Variants in STARD13 observed in about 807,000 individuals in gnomAD.
STARD13 encodes StAR related lipid transfer domain containing 13.
In STARD13, 62 loss-of-function variants were observed where a neutral mutation model predicts 106.4. The ratio of observed to expected loss-of-function variants is 0.58; its 90% CI spans 0.48 to 0.72. The LOEUF (loss-of-function observed/expected upper bound fraction) is 0.72. Among genes scored for constraint, STARD13 ranks in the 30% least tolerant of loss-of-function variants. The pLI, the probability that STARD13 is intolerant of heterozygous loss-of-function variation, is 0.00. For missense variants in STARD13, 1,387 were observed against 1,424.0 expected (o/e 0.97, Z 0.42); for synonymous variants, 565 against 553.0 (o/e 1.02, Z -0.31).
At chr13:33,573,220 T>C in the STARD13 span, among the ~76,000 whole-genome samples, 1 of 152,136 alleles carries the variant, frequency 6.6e-6, no homozygotes, top group Non-Finnish European at 1.5e-5. Context: ...TCATACACTA[T>C]AAACATTAAA....
At chr13:33,350,343 G>A in exon 1 of STARD13, 2 of 1,534,364 alleles carry the variant, frequency 1.3e-6, no homozygotes, top group Non-Finnish European at 8.7e-7. Flanking sequence ...GGCTCTGGCC[G>A]TGGAGTCCCG....
At chr13:33,547,738 T>C in the STARD13 span, among the ~76,000 whole-genome samples, 1 of 152,214 alleles carries the variant, frequency 6.6e-6, no homozygotes, top group Non-Finnish European at 1.5e-5. Context: ...CACTGGCATT[T>C]TCTTCTTCAA....
chr13:33,497,442 T>C, the STARD13 span, among the ~76,000 whole-genome samples: 1 of 152,134 alleles, frequency 6.6e-6, no homozygotes, highest in Admixed American at 6.6e-5. Context: ...TCTATTTTGA[T>C]AAAGAAGTGA....
the STARD13 span, among the ~76,000 whole-genome samples, chr13:33,356,632 A>C: frequency 2.0e-4 from 31 of 152,370 alleles, no homozygotes; most frequent in African/African-American, 7.2e-4. Flanking sequence ...GATTTTTGGC[A>C]AGGATCAAAT....
chr13:33,665,348 C>T, the STARD13 span, among the ~76,000 whole-genome samples: 1 of 152,092 alleles, frequency 6.6e-6, no homozygotes, highest in Non-Finnish European at 1.5e-5. Flanking sequence ...AAACTTTTGA[C>T]CAGATGCAAC....
chr13:33,428,189 A>C, the STARD13 span, among the ~76,000 whole-genome samples: 1 of 152,226 alleles, frequency 6.6e-6, no homozygotes, highest in African/African-American at 2.4e-5. Context: ...ATATGGATTA[A>C]AGACTTAAAT....
At chr13:33,423,187 C>G in the STARD13 span, among the ~76,000 whole-genome samples, 1 of 152,160 alleles carries the variant, frequency 6.6e-6, no homozygotes, top group Non-Finnish European at 1.5e-5. Context: ...GTTTTGCAAT[C>G]TATCCATCTG....
intron 1 of STARD13, among the ~76,000 whole-genome samples, chr13:33,214,877 C>T (rs553491410): frequency 6.6e-6 from 1 of 152,254 alleles, no homozygotes; most frequent in Admixed American, 6.5e-5. Context: ...GATTCAGATG[C>T]TACTGATCTC....
In STARD13 at chr13:33,110,025, C is replaced by T; in HGVS notation, c.2895G>A (p.Val965=). ...GCTCTCTCAGCACGCGGTTCAGGACCACTGAGGGGGGTGCTTCCACCTCCA... is the reference window on the plus strand; with the variant it reads ...GCTCTCTCAGCACGCGGTTCAGGACTACTGAGGGGGGTGCTTCCACCTCCA... The part of the protein sequence containing the change: ...ASVEVEAPPS[V]VLNRVLRERH... Residue 965 remains valine, a synonymous_variant, in exon 12 of 14, where the codon GTG becomes GTA. Coordinates refer to ENST00000336934, the MANE Select transcript of STARD13 (RefSeq NM_178006.4). The T allele has an allele frequency of 6.2e-7, 1 of 1,614,226 alleles. No individual in the cohort carries two copies. Among genetic ancestry groups the T allele is most frequent in the South Asian group, 1.1e-5 (1 of 91,078 alleles).
At chr13:33,390,834 T>C in the STARD13 span, among the ~76,000 whole-genome samples, 3 of 152,294 alleles carry the variant, frequency 2.0e-5, no homozygotes, top group South Asian at 2.1e-4. Context: ...AGAACTACTC[T>C]AGATGCATCG....
rs552315904 is a variant in STARD13 at position 33,242,036 on chromosome 13, G to A, written c.169+43434C>T. ...GTGTGGGGAGCCCCTCTGCCCCGCC[G>A]CCCCATCTGGGATGTAGGGAGCGCC... On this transcript the variant is annotated intron_variant, in intron 1 of 13. Coordinates refer to ENST00000336934, the MANE Select transcript of STARD13 (RefSeq NM_178006.4). Among the ~76,000 whole-genome samples the A allele has an allele frequency of 6.0e-4, 91 of 150,950 alleles. 1 individual carries two copies. Among genetic ancestry groups the A allele is most frequent in the Middle Eastern group, 6.8e-3 (2 of 292 alleles).
chr13:33,332,412 G>C (rs1456320430), intron 1 of STARD13, among the ~76,000 whole-genome samples: 1 of 152,170 alleles, frequency 6.6e-6, no homozygotes, highest in Admixed American at 6.5e-5. Context: ...GCTTTTAGGA[G>C]GTAATTAGGT....
intron 7 of STARD13, among the ~76,000 whole-genome samples, chr13:33,122,267 C>T (rs1876450285): frequency 6.6e-6 from 1 of 152,200 alleles, no homozygotes; most frequent in Non-Finnish European, 1.5e-5. Context: ...TAAGTGTGAG[C>T]CACCATACCT....
chr13:33,158,479 T>C (rs1376728083), intron 3 of STARD13: 1 of 152,254 alleles, frequency 6.6e-6, no homozygotes, highest in Non-Finnish European at 1.5e-5. Context: ...TCTGCCTACC[T>C]GGCAGAAGCT....
the STARD13 span, among the ~76,000 whole-genome samples, chr13:33,573,273 T>A: frequency 6.6e-6 from 1 of 152,206 alleles, no homozygotes; most frequent in Admixed American, 6.5e-5. Flanking sequence ...AAAGTGTTAC[T>A]GTTTGGATTC....
chr13:33,490,984 A>G, the STARD13 span, among the ~76,000 whole-genome samples: 1 of 152,216 alleles, frequency 6.6e-6, no homozygotes, highest in South Asian at 2.1e-4. Context: ...GCAGTGGGCA[A>G]CCGAACAAGG....
chr13:33,285,643 G>C lies in STARD13; in HGVS notation c.-5C>G. 1 of 1,612,126 alleles carries C rather than the reference G, an allele frequency of 6.2e-7. No homozygotes were observed. Among genetic ancestry groups the C allele is most frequent in the Non-Finnish European group, 8.5e-7 (1 of 1,179,698 alleles). ...CCTGGGCACCTGACTGAACATCTCG[G>C]CAGATTTCCTATTGCCACCTCAGTC... On this transcript the variant is annotated 5_prime_UTR_variant, in exon 1 of 14. Transcript: ENST00000336934.
At chr13:33,434,653 T>C in the STARD13 span, among the ~76,000 whole-genome samples, 1 of 152,118 alleles carries the variant, frequency 6.6e-6, no homozygotes, top group Non-Finnish European at 1.5e-5. Flanking sequence ...TATTCGGCAA[T>C]GTGCAAAGAG....
chr13:33,386,009 A>G, the STARD13 span, among the ~76,000 whole-genome samples: 2 of 152,152 alleles, frequency 1.3e-5, no homozygotes, highest in African/African-American at 4.8e-5. Flanking sequence ...TTGCTCATCA[A>G]TTCATTATTT....
Sources: allele counts gnomAD v4.1 joint callset (sites outside exome capture counted in the v4.1 genomes callset), GRCh38; gene constraint gnomAD v4.1.1; transcripts MANE v1.5; gene names NCBI Gene and HGNC (gene_info 2026-07-23, HGNC 2026-07-21).